The following TTC39B variants were observed in gnomAD, a reference collection of about 807,000 sequenced individuals.
TTC39B encodes the protein tetratricopeptide repeat domain 39B.
In TTC39B, 92 loss-of-function variants were observed where a neutral mutation model predicts 96.6. The observed-to-expected ratio is 0.95, with a 90% CI of 0.80 to 1.13. TTC39B has a LOEUF of 1.13. Ranked by LOEUF, TTC39B falls within the 50% of genes most tolerant of loss-of-function variation. The pLI is 0.00. For synonymous variants in TTC39B, 367 were observed against 299.4 expected, an observed-to-expected ratio of 1.23 and a Z score of -2.33; for missense variants, 955 against 809.3, an observed-to-expected ratio of 1.18 and a Z score of -2.18.
chr9:15,266,854 C>T (rs1823150952), intron 2 of TTC39B, among the ~76,000 whole-genome samples: 1 of 152,084 alleles, frequency 6.6e-6, no homozygotes. Flanking sequence ...ACAAGAGGGG[C>T]AGATCACGAG....
chr9:15,198,211 C>A (rs1276140429), intron 8 of TTC39B, among the ~76,000 whole-genome samples: 3 of 152,108 alleles, frequency 2.0e-5, no homozygotes, highest in Admixed American at 2.0e-4. Flanking sequence ...GTAATCCCAG[C>A]GCTTTGGGAG....
chr9:15,174,368 T>C (rs1429119716), intron 19 of TTC39B, among the ~76,000 whole-genome samples: 1 of 152,214 alleles, frequency 6.6e-6, no homozygotes, highest in Non-Finnish European at 1.5e-5. Context: ...CTTTCTCTAC[T>C]GCAGAAAGTG....
chr9:15,201,333 C>T (rs546618367), intron 7 of TTC39B, among the ~76,000 whole-genome samples: 1 of 151,192 alleles, frequency 6.6e-6, no homozygotes, highest in South Asian at 2.1e-4. Context: ...TTATACCAGG[C>T]ACCCAAATGC....
rs886891368 is a variant in TTC39B at position 15,227,210 on chromosome 9, G to C, written c.276-1198C>G. ...TAATCCCAGCTACCCGGGAGGCTGA[G>C]TCAGGGAGAATCGCTTGAACCCAGG... On this transcript the variant is annotated intron_variant, in intron 2 of 19. Coordinates refer to ENST00000512701, the Ensembl canonical transcript of TTC39B. Among the ~76,000 whole-genome samples the C allele has an allele frequency of 3.3e-5, 5 of 152,070 alleles. No homozygotes were observed. In the South Asian group the frequency reaches 8.3e-4, roughly 25 times the overall value.
Position 15,201,474 on chromosome 9 carries a change from T to C in TTC39B, c.760-1549A>G, listed in dbSNP as rs113520559. On this transcript the variant is annotated intron_variant, in intron 7 of 19. Transcript: ENST00000512701. The stretch of plus-strand genomic sequence containing the variant: ...GTAGTGGCATGGAAAGGGCCAGACA[T>C]GCCTCCTGGAAGCATTGGTGCTTTA... Among the ~76,000 whole-genome samples, 227 of 152,312 alleles carry C rather than the reference T, an allele frequency of 1.5e-3. 1 individual carries two copies. Among genetic ancestry groups the C allele is most frequent in the African/African-American group, 5.1e-3 (210 of 41,574 alleles).
At chr9:15,165,398 C>T (rs1321335820) in exon 20 of TTC39B, 1 of 152,064 alleles carries the variant, frequency 6.6e-6, no homozygotes, top group African/African-American at 2.4e-5. Context: ...CCCAAAATTG[C>T]TACCTGGACG....
chr9:15,291,666 C>T (rs1824194108), intron 1 of TTC39B, among the ~76,000 whole-genome samples: 1 of 152,140 alleles, frequency 6.6e-6, no homozygotes, highest in African/African-American at 2.4e-5. Flanking sequence ...GAAGGATGCA[C>T]AAACAGTTGC....
At chr9:15,208,091 G>A (rs758857785) in intron 6 of TTC39B, among the ~76,000 whole-genome samples, 11 of 150,856 alleles carry the variant, frequency 7.3e-5, no homozygotes, top group South Asian at 2.1e-4. Context: ...GTGCAGTGGC[G>A]CGATCTCGGC....
chr9:15,215,850 C>A (rs577012840), intron 3 of TTC39B, among the ~76,000 whole-genome samples: 1 of 152,016 alleles, frequency 6.6e-6, no homozygotes, highest in Non-Finnish European at 1.5e-5. Flanking sequence ...GGCAACAGAA[C>A]GAGACGCTAT....
chr9:15,264,487 CT>C (rs2131543181), intron 2 of TTC39B, among the ~76,000 whole-genome samples: 1 of 151,908 alleles, frequency 6.6e-6, no homozygotes, highest in South Asian at 2.1e-4. Context: ...AACCTTGTCT[CT>C]ACTAAAAATA....
intron 16 of TTC39B, among the ~76,000 whole-genome samples, 199 bp from the exon 17 acceptor site, chr9:15,182,614 T>C (rs1818307677): frequency 6.6e-6 from 1 of 152,220 alleles, no homozygotes. Context: ...TTTAAACTCA[T>C]TCATATAACA....
At chr9:15,182,013 T>G (rs1818272785) in intron 17 of TTC39B, among the ~76,000 whole-genome samples, 1 of 152,238 alleles carries the variant, frequency 6.6e-6, no homozygotes, top group Non-Finnish European at 1.5e-5. Flanking sequence ...ATCTGCTGTC[T>G]GTCTTTATAG....
chr9:15,268,218 G>A (rs947625272), intron 1 of TTC39B, among the ~76,000 whole-genome samples: 6 of 151,976 alleles, frequency 3.9e-5, no homozygotes, highest in Non-Finnish European at 5.9e-5. Context: ...AGACTATGAC[G>A]TCTTTTATGA....
chr9:15,278,834 C>T (rs1006134959), intron 1 of TTC39B, among the ~76,000 whole-genome samples: 5 of 152,184 alleles, frequency 3.3e-5, no homozygotes, highest in African/African-American at 1.2e-4. Flanking sequence ...ACAATTACTA[C>T]TATGTTCTAA....
chr9:15,177,661 A>C, intron 18 of TTC39B, 36 bp downstream of exon 18: 1 of 1,448,324 alleles, frequency 6.9e-7, no homozygotes, highest in Non-Finnish European at 9.6e-7. Context: ...AGAAACCACA[A>C]TTTGCACTTG....
chr9:15,266,662 A>C (rs182948089), intron 2 of TTC39B, among the ~76,000 whole-genome samples: 1 of 152,264 alleles, frequency 6.6e-6, no homozygotes, highest in Non-Finnish European at 1.5e-5. Flanking sequence ...CCACCTGTAC[A>C]TGCACATGTT....
exon 4 of TTC39B, chr9:15,214,237 G>C (rs752823598): frequency 5.6e-6 from 9 of 1,613,138 alleles, no homozygotes; most frequent in Non-Finnish European, 7.6e-6. Context: ...GATCCACCTT[G>C]GTTGATGATG....
intron 15 of TTC39B, 48 bp from the exon 16 acceptor site, chr9:15,185,454 T>A: frequency 6.2e-7 from 1 of 1,607,888 alleles, no homozygotes; most frequent in Non-Finnish European, 8.5e-7. Flanking sequence ...TGGCAACACA[T>A]ACATTATTTG....
chr9:15,222,536 A>G (rs1033120607), intron 3 of TTC39B, among the ~76,000 whole-genome samples: 2 of 152,146 alleles, frequency 1.3e-5, no homozygotes, highest in Non-Finnish European at 2.9e-5. Flanking sequence ...TTTTGCCGTA[A>G]CCTTCATGAT....
Sources: gnomAD v4.1 joint callset for allele counts (sites outside exome capture counted in the v4.1 genomes callset) on GRCh38, gnomAD v4.1.1 for gene constraint, MANE v1.5 for transcripts, NCBI Gene and HGNC (gene_info 2026-07-23, HGNC 2026-07-21) for gene names.